The following ADAD1 variants were observed in gnomAD, a reference collection of about 807,000 sequenced individuals.
ADAD1 encodes adenosine deaminase domain containing 1, also known as adenosine deaminase domain-containing protein 1.
A neutral mutation model predicts 66.8 loss-of-function variants in ADAD1; 46 were observed. That is an observed-to-expected ratio of 0.69 (90% confidence interval 0.54 to 0.88). The LOEUF is 0.88. Among genes scored for constraint, ADAD1 ranks in the 40% least tolerant of loss-of-function variants. The pLI is 0.00. For synonymous variants in ADAD1, 248 were observed against 229.4 expected, an observed-to-expected ratio of 1.08 and a Z score of -0.73; for missense variants, 617 against 681.8, an observed-to-expected ratio of 0.91 and a Z score of 1.06.
At chr4:122,425,017 A>G (rs1335654661) in intron 12 of ADAD1, among the ~76,000 whole-genome samples, 2 of 152,124 alleles carry the variant, frequency 1.3e-5, no homozygotes, top group African/African-American at 4.8e-5. Context: ...TCAGAAAGAT[A>G]TGTGTATGTG....
In ADAD1 at chr4:122,380,056, C is replaced by T. The variant is rs377557940; in HGVS notation, c.-8-6C>T. 25 of 1,608,148 alleles carry T rather than the reference C, an allele frequency of 1.6e-5. No individual in the cohort carries two copies. The highest frequency in any genetic ancestry group is 6.8e-5 in the Admixed American group (4 of 59,112). ...TGTTTTCTGCCAATTTTATCGTGAC[C>T]TCTAGGTGAGAAAATGGCTAGCAAC... On this transcript the variant is annotated splice_polypyrimidine_tract_variant and splice_region_variant and intron_variant, in intron 2 of 12. Transcript: ENST00000296513.
At chr4:122,399,095 G>T (rs2150559805) in intron 7 of ADAD1, among the ~76,000 whole-genome samples, 1 of 152,172 alleles carries the variant, frequency 6.6e-6, no homozygotes, top group African/African-American at 2.4e-5. Flanking sequence ...AATTTTTATG[G>T]CTTAATGTCT....
chr4:122,416,592 G>T lies in ADAD1; in HGVS notation c.1487+976G>T, dbSNP rs535134828. Among the ~76,000 whole-genome samples the T allele has an allele frequency of 8.8e-4, 134 of 152,116 alleles. 1 individual carries two copies. Among genetic ancestry groups the T allele is most frequent in the Middle Eastern group, 3.4e-3 (1 of 294 alleles). On this transcript the variant is annotated intron_variant, in intron 11 of 12. Transcript: ENST00000296513. ...ATAAAAAATAAAAAGTATTAACCAG[G>T]AGTGGGAGTGCATACCTGGAGTTCC...
intron 6 of ADAD1, among the ~76,000 whole-genome samples, chr4:122,394,644 A>T (rs1795612129): frequency 6.6e-6 from 1 of 152,218 alleles, no homozygotes; most frequent in Non-Finnish European, 1.5e-5. Context: ...GTAAGAACTG[A>T]TGAAGAGAGG....
intron 5 of ADAD1, among the ~76,000 whole-genome samples, chr4:122,388,961 G>A (rs942602180): frequency 6.6e-6 from 1 of 152,028 alleles, no homozygotes; most frequent in Non-Finnish European, 1.5e-5. Flanking sequence ...TGATGTTCGG[G>A]TATCAATATC....
intron 12 of ADAD1, among the ~76,000 whole-genome samples, chr4:122,422,956 T>TAAAAAAAA (rs537676034): frequency 1.0e-5 from 1 of 97,192 alleles, no homozygotes; most frequent in African/African-American, 4.1e-5. Context: ...TATTTCTCTT[T>TAAAAAAAA]AAAAAAAAAA....
At chr4:122,399,471 T>A (rs1465143607) in intron 7 of ADAD1, among the ~76,000 whole-genome samples, 1 of 151,986 alleles carries the variant, frequency 6.6e-6, no homozygotes, top group Non-Finnish European at 1.5e-5. Flanking sequence ...ACTATGCAGG[T>A]TGTTTTTTGG....
intron 2 of ADAD1, 54 bp from the exon 3 acceptor site, chr4:122,380,008 T>C (rs1207366261): frequency 2.0e-6 from 3 of 1,518,640 alleles, no homozygotes; most frequent in Non-Finnish European, 2.7e-6. Context: ...GTAAATATTT[T>C]CAGTTTACAT....
Position 122,379,995 on chromosome 4 carries a change from G to A in ADAD1, c.-8-67G>A, listed in dbSNP as rs866620197. On this transcript the variant is annotated intron_variant, in intron 2 of 12. Coordinates refer to ENST00000296513, the MANE Select transcript of ADAD1 (RefSeq NM_139243.4). ...TGGAAATAATGGGGGGGTGGGGTTT[G>A]GAGTAAATATTTTCAGTTTACATAG... The A allele has an allele frequency of 8.2e-6, 12 of 1,457,316 alleles. No individual in the cohort carries two copies. The Middle Eastern group carries it at 8.0e-4, about 97-fold the overall frequency. 90.3% of individuals were successfully genotyped at this position (1,457,316 alleles called of 1,614,324 possible).
intron 7 of ADAD1, 48 bp from the exon 8 acceptor site, chr4:122,407,860 G>C (rs1403558310): frequency 8.1e-6 from 13 of 1,596,916 alleles, no homozygotes; most frequent in Non-Finnish European, 6.8e-6. Flanking sequence ...TGAATGTAGG[G>C]AAGAGAGAGG....
At chr4:122,427,786 A>G (rs1157670784) in intron 12 of ADAD1, among the ~76,000 whole-genome samples, 3 of 151,946 alleles carry the variant, frequency 2.0e-5, no homozygotes. Flanking sequence ...TCCACCCACC[A>G]AAGTGCTGGG....
chr4:122,383,973 A>C lies in ADAD1; in HGVS notation c.529+7A>C. ...CGAATTTTAGAAACATCAGGTAAAT[A>C]CTCTTGATTATAAAGTATTTATAAG... On this transcript the variant is annotated splice_region_variant and intron_variant, in intron 5 of 12. Coordinates refer to ENST00000296513, the MANE Select transcript of ADAD1 (RefSeq NM_139243.4). 6.3e-7 allele frequency: 1 copy of C among 1,597,142 alleles called. No homozygotes were observed. The highest frequency in any genetic ancestry group is 1.1e-5 in the South Asian group (1 of 88,010).
At chr4:122,409,070 C>A (rs1291342662) in intron 8 of ADAD1, among the ~76,000 whole-genome samples, 16 of 152,124 alleles carry the variant, frequency 1.1e-4, no homozygotes, top group Non-Finnish European at 5.9e-5. Flanking sequence ...ATGAGGATTA[C>A]ACAAAGTTTA....
chr4:122,395,090 G>T (rs187554343), intron 6 of ADAD1, among the ~76,000 whole-genome samples: 1 of 151,972 alleles, frequency 6.6e-6, no homozygotes, highest in South Asian at 2.1e-4. Flanking sequence ...TGCTCTTGTC[G>T]CCCAGGCTGG....
At chr4:122,386,868 G>A (rs1795198004) in intron 5 of ADAD1, among the ~76,000 whole-genome samples, 1 of 152,028 alleles carries the variant, frequency 6.6e-6, no homozygotes, top group Admixed American at 6.6e-5. Flanking sequence ...TTATTTCTGA[G>A]GTATCTATTC....
At chr4:122,380,803 T>C (rs1794856617) in intron 3 of ADAD1, among the ~76,000 whole-genome samples, 189 bp from the exon 4 acceptor site, 2 of 152,178 alleles carry the variant, frequency 1.3e-5, no homozygotes, top group Admixed American at 6.5e-5. Context: ...AAAATAGTCT[T>C]AGTACTCGAT....
intron 6 of ADAD1, among the ~76,000 whole-genome samples, chr4:122,395,526 CA>C (rs1199119221): frequency 6.6e-6 from 1 of 151,696 alleles, no homozygotes. Flanking sequence ...ACTAAAAATA[CA>C]AAAATTAGCC....
At chr4:122,394,283 T>C (rs73846643) in intron 6 of ADAD1, among the ~76,000 whole-genome samples, 1 of 152,130 alleles carries the variant, frequency 6.6e-6, no homozygotes, top group Non-Finnish European at 1.5e-5. Context: ...ATATTTCACA[T>C]TGTATGGTAG....
At position 122,396,314 on chromosome 4, in the gene ADAD1, AT is replaced by A. The variant is rs1795712679; in HGVS notation, c.664del (p.Ser222LeufsTer7). On this transcript the variant is annotated frameshift_variant, in exon 7 of 13. Transcript: ENST00000296513. LOFTEE classifies it high-confidence loss of function. Reference sequence around the variant, plus strand: ...CGTTAAAGAAAGATTTAATCAACTAATTTCTAATCGTTCAGAATACCTGAAA... The same window carrying A: ...CGTTAAAGAAAGATTTAATCAACTAATTCTAATCGTTCAGAATACCTGAAA... ...QIVKERFNQL[I>X]SNRSEYLKYS... is the part of the protein sequence containing the mutation. 2 of 1,604,486 alleles carry A rather than the reference AT, an allele frequency of 1.2e-6. No homozygotes were observed. The highest frequency in any genetic ancestry group is 1.3e-5 in the African/African-American group (1 of 74,624).
Sources: gnomAD v4.1 joint callset for allele counts (sites outside exome capture counted in the v4.1 genomes callset) on GRCh38, gnomAD v4.1.1 for gene constraint, MANE v1.5 for transcripts, NCBI Gene and HGNC (gene_info 2026-07-23, HGNC 2026-07-21) for gene names.